The following TENM3 variants were observed in gnomAD, a reference collection of about 807,000 sequenced individuals.
TENM3 encodes teneurin-3.
A neutral mutation model predicts 255.1 loss-of-function variants in TENM3; 63 were observed. That is an observed-to-expected ratio of 0.25 (90% CI 0.20 to 0.30). TENM3 has a LOEUF of 0.30. Among genes scored for constraint, TENM3 ranks in the 10% least tolerant of loss-of-function variants. The pLI, the probability that TENM3 is intolerant of heterozygous loss-of-function variation, is 1.00. For synonymous variants in TENM3, 1,306 were observed against 1,322.3 expected, an observed-to-expected ratio of 0.99 and a Z score of 0.27; for missense variants, 2,929 against 3,461.1, an observed-to-expected ratio of 0.85 and a Z score of 3.86.
At chr4:182,620,578 T>C (rs920045394) in intron 4 of TENM3, among the ~76,000 whole-genome samples, 3 of 152,198 alleles carry the variant, frequency 2.0e-5, no homozygotes, top group Non-Finnish European at 4.4e-5. Context: ...GGCCTAATTT[T>C]ACCTGAAGGA....
chr4:182,595,571 A>C (rs2152398533), intron 3 of TENM3, among the ~76,000 whole-genome samples: 1 of 152,306 alleles, frequency 6.6e-6, no homozygotes, highest in East Asian at 1.9e-4. Context: ...CAACATAGTG[A>C]ATAAAAACAT....
chr4:181,803,598 AG>A, the TENM3 span, among the ~76,000 whole-genome samples: 1 of 152,144 alleles, frequency 6.6e-6, no homozygotes, highest in Admixed American at 6.5e-5. Flanking sequence ...TCCATGGTCC[AG>A]GCCAGTAAGG....
chr4:182,411,880 AT>A (rs1561419606), intron 3 of TENM3, among the ~76,000 whole-genome samples: 1 of 152,182 alleles, frequency 6.6e-6, no homozygotes, highest in Non-Finnish European at 1.5e-5. Flanking sequence ...AAAGGGACAA[AT>A]TTTAAAACAT....
chr4:182,479,586 G>A (rs1733997727), intron 3 of TENM3, among the ~76,000 whole-genome samples: 1 of 151,992 alleles, frequency 6.6e-6, no homozygotes, highest in Admixed American at 6.6e-5. Context: ...TGGGATTTGA[G>A]TGTTTGAAGA....
chr4:182,071,056 C>T, the TENM3 span, among the ~76,000 whole-genome samples: 6 of 151,970 alleles, frequency 3.9e-5, no homozygotes, highest in South Asian at 2.1e-4. Flanking sequence ...CAGCTACTGA[C>T]GCTTGAATTA....
the TENM3 span, among the ~76,000 whole-genome samples, chr4:182,073,548 T>C: frequency 6.6e-6 from 1 of 152,200 alleles, no homozygotes; most frequent in East Asian, 1.9e-4. Flanking sequence ...CAGTCTGTGG[T>C]GTTTTGTTAT....
chr4:182,507,410 T>TA (rs1215837126), intron 3 of TENM3, among the ~76,000 whole-genome samples: 1 of 152,210 alleles, frequency 6.6e-6, no homozygotes, highest in Non-Finnish European at 1.5e-5. Flanking sequence ...CAAGTGTCTT[T>TA]AAAAATCAGT....
chr4:181,500,458 G>T, the TENM3 span, among the ~76,000 whole-genome samples: 1 of 152,182 alleles, frequency 6.6e-6, no homozygotes, highest in African/African-American at 2.4e-5. Flanking sequence ...TGTGTATTTT[G>T]TGGCTATGGA....
chr4:182,295,058 T>C (rs963514232), intron 1 of TENM3, among the ~76,000 whole-genome samples: 2 of 152,126 alleles, frequency 1.3e-5, no homozygotes, highest in Non-Finnish European at 2.9e-5. Flanking sequence ...TTTTCTGCTC[T>C]ATTTTGAGTG....
rs548783934 is a variant in TENM3, at chr4:182,600,897, CTTTTTTTTTT to C, written c.512-13_512-4del. ...TATATATATATAATGAGTTCTCTTT[CTTTTTTTTTT>C]TTTTTTTTTTTTTCAGAGCAACCTG... On this transcript the variant is annotated splice_polypyrimidine_tract_variant and intron_variant, in intron 3 of 27. Coordinates refer to ENST00000511685, the MANE Select transcript of TENM3 (RefSeq NM_001080477.4). 8.1e-6 allele frequency: 4 copies of C among 492,962 alleles called. No homozygotes were observed. The highest frequency in any genetic ancestry group is 4.7e-5 in the South Asian group (2 of 42,258). The allele number at this position is 492,962 out of a possible 1,614,324, so 30.5% of individuals were successfully genotyped here. A position where few individuals can be genotyped will look rare whatever the true frequency, so the allele number is the denominator to read the frequency against.
chr4:181,549,884 T>A, the TENM3 span, among the ~76,000 whole-genome samples: 1 of 152,326 alleles, frequency 6.6e-6, no homozygotes, highest in East Asian at 1.9e-4. Context: ...ACTGAATTTC[T>A]CTGATTCTGG....
chr4:182,740,244 G>T (rs564081955), intron 18 of TENM3, among the ~76,000 whole-genome samples: 1 of 152,134 alleles, frequency 6.6e-6, no homozygotes, highest in African/African-American at 2.4e-5. Context: ...TAAACAGAGC[G>T]GATAACTAGT....
At chr4:181,619,278 T>C in the TENM3 span, among the ~76,000 whole-genome samples, 1 of 152,074 alleles carries the variant, frequency 6.6e-6, no homozygotes. Context: ...CATACCCTCA[T>C]CAATAGCCCT....
chr4:182,227,843 G>T (rs1225600032), intron 1 of TENM3, among the ~76,000 whole-genome samples: 1 of 151,928 alleles, frequency 6.6e-6, no homozygotes, highest in African/African-American at 2.4e-5. Context: ...TTAAAGGAAC[G>T]CATACTAAGG....
intron 13 of TENM3, among the ~76,000 whole-genome samples, chr4:182,719,259 T>TC (rs1561154566): frequency 9.4e-6 from 1 of 106,824 alleles, no homozygotes; most frequent in African/African-American, 3.3e-5. Flanking sequence ...TTTCTTTTTT[T>TC]TTTTTTTTTT....
chr4:182,757,647 T>C (rs1196951443), intron 22 of TENM3, among the ~76,000 whole-genome samples: 1 of 152,144 alleles, frequency 6.6e-6, no homozygotes, highest in Non-Finnish European at 1.5e-5. Flanking sequence ...TTTTACCTTT[T>C]AAAGAAATGA....
At chr4:181,928,864 G>T in the TENM3 span, among the ~76,000 whole-genome samples, 1 of 152,136 alleles carries the variant, frequency 6.6e-6, no homozygotes, top group African/African-American at 2.4e-5. Flanking sequence ...AAAGAGAGTG[G>T]GGGCCAATAT....
At chr4:182,759,452 C>G (rs10520541) in intron 22 of TENM3, among the ~76,000 whole-genome samples, 23,710 of 152,234 alleles carry the variant, frequency 0.16, 1,970 homozygotes, top group South Asian at 0.21. Flanking sequence ...CGTACCAATA[C>G]TGAATGTTGA....
At chr4:182,675,611 T>C (rs1755605640) in intron 7 of TENM3, among the ~76,000 whole-genome samples, 1 of 151,798 alleles carries the variant, frequency 6.6e-6, no homozygotes, top group Admixed American at 6.6e-5. Context: ...AGTAGACAGA[T>C]TGGATTTATA....
Sources: gnomAD v4.1 joint callset for allele counts (sites outside exome capture counted in the v4.1 genomes callset) on GRCh38, gnomAD v4.1.1 for gene constraint, MANE v1.5 for transcripts, NCBI Gene and HGNC (gene_info 2026-07-23, HGNC 2026-07-21) for gene names.